The following OR8K3 variants were observed in gnomAD, a reference collection of about 807,000 sequenced individuals.
OR8K3 encodes olfactory receptor 8K3.
For synonymous variants in OR8K3, 167 were observed against 138.8 expected, an observed-to-expected ratio of 1.20 and a Z score of -1.43; for missense variants, 448 against 367.4, an observed-to-expected ratio of 1.22 and a Z score of -1.79.
intron 2 of OR8K3, among the ~76,000 whole-genome samples, chr11:56,316,276 A>G (rs1007645488): frequency 1.3e-5 from 2 of 152,026 alleles, no homozygotes; most frequent in African/African-American, 4.8e-5. Context: ...TTAAAAAATT[A>G]AGTTCAAATA....
chr11:56,318,710 T>A lies in OR8K3; in HGVS notation c.404T>A (p.Ile135Asn). The change falls in exon 3 of 3, where the codon ATC becomes AAC. Residue 135 changes from isoleucine (I) to asparagine (N), a missense_variant. Coordinates refer to ENST00000641662, the MANE Select transcript of OR8K3 (RefSeq NM_001005202.2). Reference protein sequence around the residue: ...AICNPLLYTVIMSRRVCQVLV... With the variant: ...AICNPLLYTVNMSRRVCQVLV... ...TGTAACCCTCTGCTATACACAGTAATCATGTCACGAAGGGTATGTCAGGTG... is the reference window on the plus strand; with the variant it reads ...TGTAACCCTCTGCTATACACAGTAAACATGTCACGAAGGGTATGTCAGGTG... The A allele has an allele frequency of 1.2e-6, 2 of 1,614,010 alleles. No individual in the cohort carries two copies. Among genetic ancestry groups the A allele is most frequent in the African/African-American group, 2.7e-5 (2 of 75,052 alleles).
intron 2 of OR8K3, 108 bp downstream of exon 2, chr11:56,316,165 T>A (rs1854440840): frequency 6.6e-6 from 1 of 152,026 alleles, no homozygotes. Flanking sequence ...TAAAGATATT[T>A]ATCTAACTTT....
In OR8K3 at chr11:56,318,597, TGCAACACA is replaced by T. The variant is rs1424694660; in HGVS notation, c.294_301del (p.Thr99SerfsTer9). On this transcript the variant is annotated frameshift_variant, in exon 3 of 3. Transcript: ENST00000641662. LOFTEE classifies it low-confidence loss of function (END_TRUNC). ...AGAATATAATTTCTTATTATTTTTG[TGCAACACA>T]GCTAGCTTTCTTTCTTGTGTTCATT... 1 of 1,613,728 alleles carries T rather than the reference TGCAACACA, an allele frequency of 6.2e-7. No homozygotes were observed. Among genetic ancestry groups the T allele is most frequent in the Non-Finnish European group, 8.5e-7 (1 of 1,179,854 alleles).
rs563067459 is a variant in OR8K3, at chr11:56,317,512, A to G, written c.-23-772A>G. Among the ~76,000 whole-genome samples the G allele has an allele frequency of 3.9e-5, 6 of 152,234 alleles. No homozygotes were observed. In the East Asian group the frequency reaches 1.2e-3, roughly 29 times the overall value. On this transcript the variant is annotated intron_variant, in intron 2 of 2. Transcript: ENST00000641662. ...CATCTGTTATGCTGCTCTTACTCAT[A>G]TGCCTAATATCTGTCAACTCTATTA...
Position 56,315,438 on chromosome 11 carries a change from T to A in OR8K3, c.-82+271T>A, listed in dbSNP as rs558725694. 8.5e-5 allele frequency among the ~76,000 whole-genome samples: 13 copies of A among 152,324 alleles called. No individual in the cohort carries two copies. In the East Asian group the frequency reaches 2.5e-3, roughly 29 times the overall value. On this transcript the variant is annotated intron_variant, in intron 1 of 2. Coordinates refer to ENST00000641662, the MANE Select transcript of OR8K3 (RefSeq NM_001005202.2). ...CATCTTTGAAACATTATCATGATAT[T>A]GTTTCTAAAGTATTCATTTTACATA...
chr11:56,316,238 G>A (rs574852478), intron 2 of OR8K3, among the ~76,000 whole-genome samples, 181 bp downstream of exon 2: 19 of 152,002 alleles, frequency 1.2e-4, no homozygotes, highest in African/African-American at 4.6e-4. Flanking sequence ...TTGAGTCAGG[G>A]TAGGATAGGA....
rs1854510491 is a variant in OR8K3, at chr11:56,320,488, G to C, written c.*1243G>C. ...CCTTTATTCTTTTTAATAATCCTAAGAATTTATTGAAAGTATCAGAGTCTA... is the reference window on the plus strand; with the variant it reads ...CCTTTATTCTTTTTAATAATCCTAACAATTTATTGAAAGTATCAGAGTCTA... On this transcript the variant is annotated 3_prime_UTR_variant, in exon 3 of 3. Transcript: ENST00000641662. 6.6e-6 allele frequency: 1 copy of C among 152,054 alleles called. No homozygotes were observed. 9.4% of individuals were successfully genotyped at this position (152,054 alleles called of 1,614,324 possible).
At chr11:56,317,685 A>G (rs779079940) in intron 2 of OR8K3, among the ~76,000 whole-genome samples, 19 of 152,170 alleles carry the variant, frequency 1.2e-4, no homozygotes, top group Admixed American at 3.3e-4. Context: ...TATAAATATG[A>G]CCAAGCTCTA....
Position 56,318,817 on chromosome 11 carries a change from T to G in OR8K3, c.511T>G (p.Tyr171Asp), listed in dbSNP as rs765028221. The G allele has an allele frequency of 6.2e-7, 1 of 1,614,148 alleles. No homozygotes were observed. Among genetic ancestry groups the G allele is most frequent in the Admixed American group, 1.7e-5 (1 of 60,022 alleles). Reference protein sequence around the residue: ...IKIFTLSFCGYNVISHFYCDS... With the variant: ...IKIFTLSFCGDNVISHFYCDS... ...GATTTTTACTTTATCCTTCTGTGGC[T>G]ACAACGTCATTAGTCATTTCTACTG... Residue 171 changes from tyrosine (Y) to aspartate (D), a missense_variant, in exon 3 of 3, where the codon TAC becomes GAC. By Grantham distance (160) the Tyr-to-Asp change is radical (BLOSUM62 -3). Transcript: ENST00000641662.
chr11:56,317,955 G>A (rs1167381893), intron 2 of OR8K3, among the ~76,000 whole-genome samples: 1 of 151,960 alleles, frequency 6.6e-6, no homozygotes, highest in African/African-American at 2.4e-5. Flanking sequence ...ATTGCGATGG[G>A]CTGAGTATTG....
At position 56,318,532 on chromosome 11, in the gene OR8K3, A is replaced by G. The variant is rs1193160189; in HGVS notation, c.226A>G (p.Thr76Ala). The G allele has an allele frequency of 5.0e-6, 8 of 1,613,616 alleles. No homozygotes were observed. The highest frequency in any genetic ancestry group is 6.8e-6 in the Non-Finnish European group (8 of 1,179,806). ...LAFMDLGYST[T>A]VGPKMLVNFV... is the part of the protein sequence containing the mutation. ...TTTCATGGATCTTGGTTATTCAACA[A>G]CTGTGGGACCCAAAATGTTAGTAAA... The change falls in exon 3 of 3, where the codon ACT becomes GCT. Residue 76 changes from threonine to alanine, a missense_variant. Transcript: ENST00000641662.
At position 56,319,391 on chromosome 11, in the gene OR8K3, AGATT is replaced by A. The variant is rs1182321704; in HGVS notation, c.*147_*150del. On this transcript the variant is annotated 3_prime_UTR_variant, in exon 3 of 3. Coordinates refer to ENST00000641662, the MANE Select transcript of OR8K3 (RefSeq NM_001005202.2). ...ATAGGCTCTTCTAATTGCTATACAT[AGATT>A]AATAAACAAAATAGTAGAAATCTTT... 9 of 587,548 alleles carry A rather than the reference AGATT, an allele frequency of 1.5e-5. No individual in the cohort carries two copies. The highest frequency in any genetic ancestry group is 4.4e-4 in the Middle Eastern group (1 of 2,258). 36.4% of individuals were successfully genotyped at this position (587,548 alleles called of 1,614,324 possible).
At position 56,318,572 on chromosome 11, in the gene OR8K3, A is replaced by C; in HGVS notation, c.266A>C (p.Lys89Thr). The C allele has an allele frequency of 1.2e-6, 2 of 1,613,394 alleles. No individual in the cohort carries two copies. Among genetic ancestry groups the C allele is most frequent in the Non-Finnish European group, 1.7e-6 (2 of 1,179,688 alleles). ...PKMLVNFVVDKNIISYYFCAT... is the reference protein window; with the variant it reads ...PKMLVNFVVDTNIISYYFCAT... ...ATGTTAGTAAATTTTGTTGTGGATA[A>C]GAATATAATTTCTTATTATTTTTGT... Residue 89 changes from lysine to threonine, a missense_variant, in exon 3 of 3, where the codon AAG (lysine) becomes ACG (threonine). Lys to Thr is a moderately conservative substitution (Grantham distance 78). Coordinates refer to ENST00000641662, the MANE Select transcript of OR8K3 (RefSeq NM_001005202.2).
At position 56,319,054 on chromosome 11, in the gene OR8K3, T is replaced by C; in HGVS notation, c.748T>C (p.Phe250Leu). Residue 250 changes from phenylalanine to leucine, a missense_variant, in exon 3 of 3, where the codon TTC becomes CTC. Transcript: ENST00000641662. ...AGCCCACCTGACAGTGGTCATAGTG[T>C]TCTATGGGACTTTGCTTTTCATGTA... The part of the protein sequence containing the change: ...CGAHLTVVIV[F>L]YGTLLFMYVQ... 1.2e-6 allele frequency: 2 copies of C among 1,614,124 alleles called. No homozygotes were observed. Among genetic ancestry groups the C allele is most frequent in the Admixed American group, 1.7e-5 (1 of 60,006 alleles).
chr11:56,319,535 C>T lies in OR8K3; in HGVS notation c.*290C>T. 3.4e-6 allele frequency: 1 copy of T among 296,750 alleles called. No homozygotes were observed. Among genetic ancestry groups the T allele is most frequent in the Non-Finnish European group, 6.3e-6 (1 of 158,770 alleles). 18.4% of individuals were successfully genotyped at this position (296,750 alleles called of 1,614,324 possible). A position where few individuals can be genotyped will look rare whatever the true frequency, so the allele number is the denominator to read the frequency against. ...AAGGGAGACAAGGAAAGCTAGTATG[C>T]TGGGTGGCAGTAGGAAACAGTGGTC... is the stretch of plus-strand genomic sequence containing the variant. On this transcript the variant is annotated 3_prime_UTR_variant, in exon 3 of 3. Transcript: ENST00000641662.
At position 56,318,459 on chromosome 11, in the gene OR8K3, G is replaced by A. The variant is rs750505527; in HGVS notation, c.153G>A (p.Leu51=). 1.9e-6 allele frequency: 3 copies of A among 1,614,008 alleles called. No individual in the cohort carries two copies. The highest frequency in any genetic ancestry group is 2.5e-6 in the Non-Finnish European group (3 of 1,179,982). ...TGGGCATGATTGTCCTCACCAAGTT[G>A]GACTCCAGGTTGCAAACCCCTATGT... ...GNLGMIVLTK[L]DSRLQTPMYF... Residue 51 remains leucine, a synonymous_variant, in exon 3 of 3, where the codon TTG becomes TTA. Coordinates refer to ENST00000641662, the MANE Select transcript of OR8K3 (RefSeq NM_001005202.2).
chr11:56,318,933 A>G lies in OR8K3; in HGVS notation c.627A>G (p.Ser209=). Reference sequence around the variant, plus strand: ...TCTTTGCAGCTATTGATTTGATTTCATCTCTTCTGATAGTTCTTTTATCTT... The same window carrying G: ...TCTTTGCAGCTATTGATTTGATTTCGTCTCTTCTGATAGTTCTTTTATCTT... The part of the protein sequence containing the change: ...ILIFAAIDLI[S]SLLIVLLSYL... The change falls in exon 3 of 3, where the codon TCA becomes TCG. Residue 209 remains serine (S), a synonymous_variant. Coordinates refer to ENST00000641662, the MANE Select transcript of OR8K3 (RefSeq NM_001005202.2). The G allele has an allele frequency of 6.2e-7, 1 of 1,614,116 alleles. No homozygotes were observed. The highest frequency in any genetic ancestry group is 8.5e-7 in the Non-Finnish European group (1 of 1,179,994).
chr11:56,317,902 CAG>C (rs1173911208), intron 2 of OR8K3, among the ~76,000 whole-genome samples: 1 of 152,054 alleles, frequency 6.6e-6, no homozygotes, highest in Non-Finnish European at 1.5e-5. Flanking sequence ...TGTATCTCAT[CAG>C]AGTTTCTCAA....
rs777547731 is a variant in OR8K3 at position 56,318,588 on chromosome 11, T to C, written c.282T>C (p.Tyr94=). The C allele has an allele frequency of 9.3e-6, 15 of 1,613,598 alleles. No homozygotes were observed. The highest frequency in any genetic ancestry group is 9.3e-6 in the Non-Finnish European group (11 of 1,179,776). The change falls in exon 3 of 3, where the codon TAT becomes TAC. Residue 94 remains tyrosine, a synonymous_variant. Coordinates refer to ENST00000641662, the MANE Select transcript of OR8K3 (RefSeq NM_001005202.2). ...TTGTGGATAAGAATATAATTTCTTATTATTTTTGTGCAACACAGCTAGCTT... is the reference window on the plus strand; with the variant it reads ...TTGTGGATAAGAATATAATTTCTTACTATTTTTGTGCAACACAGCTAGCTT... ...NFVVDKNIIS[Y]YFCATQLAFF... is the part of the protein sequence containing the mutation.
Sources: gnomAD v4.1 joint callset for allele counts (sites outside exome capture counted in the v4.1 genomes callset) on GRCh38, gnomAD v4.1.1 for gene constraint, MANE v1.5 for transcripts, NCBI Gene and HGNC (gene_info 2026-07-23, HGNC 2026-07-21) for gene names.